Variants in TBC1D22B observed in about 807,000 individuals in gnomAD.
TBC1D22B encodes the protein TBC1 domain family member 22B, also known as chromosome 6 open reading frame 197.
Under a neutral mutation model 69.1 loss-of-function variants are expected in TBC1D22B, and 32 were observed. The observed-to-expected ratio is 0.46, with a 90% CI of 0.35 to 0.62. TBC1D22B has a LOEUF of 0.62. Among genes scored for constraint, TBC1D22B ranks in the 20% least tolerant of loss-of-function variants. The probability of loss-of-function intolerance (pLI) is 0.00; values close to 1 mark genes in which losing one functional copy is unlikely to be tolerated. For synonymous variants in TBC1D22B, 206 were observed against 229.8 expected, an observed-to-expected ratio of 0.90 and a Z score of 0.94; for missense variants, 462 against 630.9, an observed-to-expected ratio of 0.73 and a Z score of 2.87.
chr6:37,294,449 A>G (rs909187255), intron 8 of TBC1D22B, among the ~76,000 whole-genome samples: 34 of 152,244 alleles, frequency 2.2e-4, no homozygotes, highest in African/African-American at 7.7e-4. Flanking sequence ...TGGGATTACA[A>G]GTACGTAGTA....
chr6:37,328,337 A>G (rs888327876), intron 12 of TBC1D22B, among the ~76,000 whole-genome samples: 12 of 152,148 alleles, frequency 7.9e-5, no homozygotes, highest in Non-Finnish European at 1.5e-4. Context: ...GATAAAAATA[A>G]AATGTTTATG....
chr6:37,266,120 C>T (rs779679072), intron 1 of TBC1D22B, among the ~76,000 whole-genome samples: 8 of 152,174 alleles, frequency 5.3e-5, no homozygotes, highest in African/African-American at 1.4e-4. Flanking sequence ...TTCAACATAT[C>T]GTCCCACTTA....
At chr6:37,269,248 C>A (rs1469582385) in intron 1 of TBC1D22B, among the ~76,000 whole-genome samples, 1 of 152,116 alleles carries the variant, frequency 6.6e-6, no homozygotes, top group African/African-American at 2.4e-5. Flanking sequence ...TCAAAGGAGT[C>A]AAAAAGCTTG....
At chr6:37,313,670 A>G in intron 9 of TBC1D22B, 146 bp from the exon 10 acceptor site, 1 of 769,388 alleles carries the variant, frequency 1.3e-6, no homozygotes, top group South Asian at 1.5e-5. Context: ...GTTGTTCTGT[A>G]GATTTCTTTG....
At chr6:37,298,090 A>T (rs1767443981) in intron 8 of TBC1D22B, among the ~76,000 whole-genome samples, 1 of 152,196 alleles carries the variant, frequency 6.6e-6, no homozygotes. Flanking sequence ...AGAAATACGT[A>T]ATGTAAATGA....
intron 8 of TBC1D22B, among the ~76,000 whole-genome samples, chr6:37,300,234 C>T (rs983584580): frequency 2.6e-5 from 4 of 152,040 alleles, no homozygotes; most frequent in East Asian, 1.9e-4. Flanking sequence ...CATAATATTA[C>T]GTAATTTTAA....
chr6:37,328,719 G>GTT (rs935069140), intron 12 of TBC1D22B, among the ~76,000 whole-genome samples: 1 of 150,090 alleles, frequency 6.7e-6, no homozygotes, highest in Admixed American at 6.6e-5. Flanking sequence ...TTTATTTTCT[G>GTT]TTTTTTTTTT....
At chr6:37,313,144 C>G (rs1268796697) in intron 9 of TBC1D22B, 120 bp downstream of exon 9, 4 of 746,996 alleles carry the variant, frequency 5.4e-6, no homozygotes, top group Non-Finnish European at 9.5e-6. Flanking sequence ...ACTATGGCTC[C>G]TCCTCCTTTT....
chr6:37,268,587 G>T (rs1766380451), intron 1 of TBC1D22B, among the ~76,000 whole-genome samples: 1 of 152,124 alleles, frequency 6.6e-6, no homozygotes, highest in Non-Finnish European at 1.5e-5. Flanking sequence ...TGTGTGGTAT[G>T]ATGGCTTAAT....
At chr6:37,271,260 C>T (rs1216362366) in intron 2 of TBC1D22B, among the ~76,000 whole-genome samples, 2 of 152,100 alleles carry the variant, frequency 1.3e-5, no homozygotes, top group Non-Finnish European at 2.9e-5. Context: ...TTGCAGTGGG[C>T]TGAAATCAAG....
chr6:37,291,236 T>G lies in TBC1D22B; in HGVS notation c.868-7T>G. 3 of 1,599,600 alleles carry G rather than the reference T, an allele frequency of 1.9e-6. No homozygotes were observed. Among genetic ancestry groups the G allele is most frequent in the Non-Finnish European group, 2.6e-6 (3 of 1,166,930 alleles). On this transcript the variant is annotated splice_region_variant and splice_polypyrimidine_tract_variant and intron_variant, in intron 7 of 12. Transcript: ENST00000373491. Reference sequence around the variant, plus strand: ...AACACTCGTGTCTTTCTTTCTCATTTTCCTAGATCTTTGAAAGAATTCTAT... The same window carrying G: ...AACACTCGTGTCTTTCTTTCTCATTGTCCTAGATCTTTGAAAGAATTCTAT...
Position 37,316,720 on chromosome 6 carries a change from T to C in TBC1D22B, c.1183T>C (p.Phe395Leu). Residue 395 changes from phenylalanine to leucine, a missense_variant, in exon 11 of 13, where the codon TTC (phenylalanine) becomes CTC (leucine). Phe to Leu is a conservative substitution (Grantham distance 22). This residue lies in a region of TBC1D22B where 225 missense variants were observed against 375.4 expected (regional missense o/e 0.60). Coordinates refer to ENST00000373491, the MANE Select transcript of TBC1D22B (RefSeq NM_017772.4). ...SRIDEQVHNHFRRYEVEYLQF... is the reference protein window; with the variant it reads ...SRIDEQVHNHLRRYEVEYLQF... Reference sequence around the variant, plus strand: ...TGTTTCAGAGCAGGTACATAATCACTTCAGGAGGTACGAGGTAGAATACCT... The same window carrying C: ...TGTTTCAGAGCAGGTACATAATCACCTCAGGAGGTACGAGGTAGAATACCT... 1 of 1,614,188 alleles carries C rather than the reference T, an allele frequency of 6.2e-7. No individual in the cohort carries two copies. The highest frequency in any genetic ancestry group is 1.1e-5 in the South Asian group (1 of 91,088).
chr6:37,297,858 T>C (rs1049530447), intron 8 of TBC1D22B, among the ~76,000 whole-genome samples: 8 of 152,212 alleles, frequency 5.3e-5, no homozygotes, highest in African/African-American at 1.4e-4. Context: ...TGGAATACTA[T>C]GCAGCCATAA....
intron 8 of TBC1D22B, among the ~76,000 whole-genome samples, chr6:37,312,468 A>G (rs1040545591): frequency 5.3e-5 from 8 of 152,182 alleles, no homozygotes; most frequent in African/African-American, 1.7e-4. Context: ...CATCTTTAAA[A>G]TAAACTGTGG....
chr6:37,308,229 A>G (rs887541920), intron 8 of TBC1D22B, among the ~76,000 whole-genome samples: 6 of 152,136 alleles, frequency 3.9e-5, no homozygotes, highest in Non-Finnish European at 7.4e-5. Flanking sequence ...ACAACCAGAG[A>G]CGCTGCCCTC....
intron 12 of TBC1D22B, among the ~76,000 whole-genome samples, chr6:37,319,072 A>C (rs1768164952): frequency 6.6e-6 from 1 of 152,212 alleles, no homozygotes; most frequent in South Asian, 2.1e-4. Context: ...AGGGGGCAAA[A>C]GAACAGAAGA....
At chr6:37,322,370 A>T (rs1017147989) in intron 12 of TBC1D22B, among the ~76,000 whole-genome samples, 3 of 152,180 alleles carry the variant, frequency 2.0e-5, no homozygotes, top group African/African-American at 7.2e-5. Flanking sequence ...AAACTCCGTC[A>T]GCCAGGTGTG....
chr6:37,301,902 C>A (rs1027297191), intron 8 of TBC1D22B, among the ~76,000 whole-genome samples: 11 of 152,052 alleles, frequency 7.2e-5, no homozygotes, highest in African/African-American at 2.7e-4. Flanking sequence ...CAGCAGTTGC[C>A]CTCATTATCC....
At chr6:37,280,722 ATC>A in intron 3 of TBC1D22B, among the ~76,000 whole-genome samples, 1 of 152,328 alleles carries the variant, frequency 6.6e-6, no homozygotes, top group South Asian at 2.1e-4. Context: ...TCCTGCCGGC[ATC>A]TGTCTGTAAA....
Sources: allele counts gnomAD v4.1 joint callset (sites outside exome capture counted in the v4.1 genomes callset), GRCh38; gene constraint gnomAD v4.1.1; regional missense constraint gnomAD v4.1.1; transcripts MANE v1.5; gene names NCBI Gene and HGNC (gene_info 2026-07-23, HGNC 2026-07-21).